The following PHAF1 variants were observed in gnomAD, a reference collection of about 807,000 sequenced individuals.
PHAF1 encodes the protein phagosome assembly factor 1.
A neutral mutation model predicts 63.1 loss-of-function variants in PHAF1; 23 were observed. That is an observed-to-expected ratio of 0.36 (90% CI 0.26 to 0.52). The LOEUF is 0.52. PHAF1 is among the 20% of genes least tolerant of loss of function. The probability of loss-of-function intolerance (pLI) is 0.93; values close to 1 mark genes in which losing one functional copy is unlikely to be tolerated. For missense variants in PHAF1, 427 were observed against 517.2 expected, an observed-to-expected ratio of 0.83 and a Z score of 1.69; for synonymous variants, 167 against 185.0, an observed-to-expected ratio of 0.90 and a Z score of 0.79.
intron 12 of PHAF1, 107 bp downstream of exon 12, chr16:67,144,984 C>A: frequency 7.2e-7 from 1 of 1,391,410 alleles, no homozygotes; most frequent in Non-Finnish European, 1.0e-6. Context: ...AGCTTCTGCC[C>A]ATGGCCTCAG....
Position 67,140,002 on chromosome 16 carries a change from T to C in PHAF1, c.680T>C (p.Leu227Ser). 6.2e-7 allele frequency: 1 copy of C among 1,614,124 alleles called. No homozygotes were observed. Among genetic ancestry groups the C allele is most frequent in the Non-Finnish European group, 8.5e-7 (1 of 1,180,000 alleles). Reference sequence around the variant, plus strand: ...TTTGCAGGTTGTGGACCTGGCCTATTAGCAGATGCCAAGATGCGGGTATTT... The same window carrying C: ...TTTGCAGGTTGTGGACCTGGCCTATCAGCAGATGCCAAGATGCGGGTATTT... The part of the protein sequence containing the change: ...LLAAGCGPGL[L>S]ADAKMRVFER... Residue 227 changes from leucine to serine, a missense_variant, in exon 9 of 16, where the codon TTA (leucine) becomes TCA (serine). Transcript: ENST00000219139.
intron 2 of PHAF1, among the ~76,000 whole-genome samples, chr16:67,120,534 A>G (rs1332818704): frequency 6.6e-6 from 1 of 151,038 alleles, no homozygotes; most frequent in African/African-American, 2.4e-5. Context: ...CGTGTTTAAA[A>G]TTGTCTTTTC....
Position 67,144,210 on chromosome 16 carries a change from T to C in PHAF1, c.880-84T>C. On this transcript the variant is annotated intron_variant, in intron 10 of 15. Transcript: ENST00000219139. ...TTCTTGCTGTGGAGTGCACTGGATG[T>C]CCCAAGTTGGACATGCCTTTGGAAA... 7 of 934,962 alleles carry C rather than the reference T, an allele frequency of 7.5e-6. No homozygotes were observed. The South Asian group carries it at 9.8e-5, about 13-fold the overall frequency. The allele number at this position is 934,962 out of a possible 1,614,324, so 57.9% of individuals were successfully genotyped here. A position where few individuals can be genotyped will look rare whatever the true frequency, so the allele number is the denominator to read the frequency against.
rs1962436254 is a variant in PHAF1 at position 67,109,971 on chromosome 16, G to C, written c.-205G>C. On this transcript the variant is annotated 5_prime_UTR_variant, in exon 1 of 16. Transcript: ENST00000219139. Reference sequence around the variant, plus strand: ...CGCGCCCGCCGCCGTCGTTGCCCCCGCTGCCGCGGCTGCTGCAGGTGAGGT... The same window carrying C: ...CGCGCCCGCCGCCGTCGTTGCCCCCCCTGCCGCGGCTGCTGCAGGTGAGGT... The C allele has an allele frequency of 1.9e-6, 1 of 527,116 alleles. No individual in the cohort carries two copies. Among genetic ancestry groups the C allele is most frequent in the Non-Finnish European group, 3.3e-6 (1 of 301,490 alleles). The allele number at this position is 527,116 out of a possible 1,614,324, so 32.7% of individuals were successfully genotyped here. A position where few individuals can be genotyped will look rare whatever the true frequency, so the allele number is the denominator to read the frequency against.
chr16:67,110,128 C>T lies in PHAF1; in HGVS notation c.-48C>T, dbSNP rs1962446966. ...TGCTTTGTCTCCTTAGCTCGGGTCC[C>T]TTCTGCGCTGCCGCAGGGAGGCCGC... is the stretch of plus-strand genomic sequence containing the variant. On this transcript the variant is annotated 5_prime_UTR_variant, in exon 1 of 16. Coordinates refer to ENST00000219139, the MANE Select transcript of PHAF1 (RefSeq NM_025187.5). The T allele has an allele frequency of 2.6e-6, 4 of 1,547,850 alleles. No homozygotes were observed. Among genetic ancestry groups the T allele is most frequent in the Middle Eastern group, 2.2e-4 (1 of 4,516 alleles).
intron 3 of PHAF1, among the ~76,000 whole-genome samples, chr16:67,126,734 GCACGCCAC>G: frequency 6.6e-6 from 1 of 151,542 alleles, no homozygotes; most frequent in African/African-American, 2.4e-5. Flanking sequence ...GACTACAGGT[GCACGCCAC>G]CACGCCCAGC....
chr16:67,132,509 C>G lies in PHAF1; in HGVS notation c.339C>G (p.Gly113=), dbSNP rs182635625. The change falls in exon 5 of 16, where the codon GGC becomes GGG. Residue 113 remains glycine, a synonymous_variant. Transcript: ENST00000219139. Reference sequence around the variant, plus strand: ...TTGAACAGATTGACCAGTCTTTTGGCGCAACCCATCCTGGAGGTAAGCCAA... The same window carrying G: ...TTGAACAGATTGACCAGTCTTTTGGGGCAACCCATCCTGGAGGTAAGCCAA... ...PTIEQIDQSF[G]ATHPGVYNSA... The G allele has an allele frequency of 2.2e-5, 36 of 1,614,034 alleles. No individual in the cohort carries two copies. The highest frequency in any genetic ancestry group is 3.0e-5 in the Non-Finnish European group (35 of 1,179,948).
At chr16:67,145,130 C>T (rs938258656) in intron 12 of PHAF1, among the ~76,000 whole-genome samples, 6 of 152,046 alleles carry the variant, frequency 3.9e-5, no homozygotes, top group Non-Finnish European at 7.4e-5. Flanking sequence ...TACAGATGAT[C>T]ATCCAGGGGG....
At chr16:67,117,809 C>CT (rs76207983) in intron 1 of PHAF1, among the ~76,000 whole-genome samples, 4,016 of 137,784 alleles carry the variant, frequency 0.029, 85 homozygotes, top group Non-Finnish European at 0.045. Context: ...CGCCCTGTTG[C>CT]TTTTTTTTTT....
chr16:67,123,148 A>G, intron 2 of PHAF1, among the ~76,000 whole-genome samples: 1 of 148,680 alleles, frequency 6.7e-6, no homozygotes, highest in Non-Finnish European at 1.5e-5. Flanking sequence ...GTGCAGTGGC[A>G]TGATCATGGC....
At chr16:67,146,439 G>C (rs1164118284) in intron 15 of PHAF1, 89 bp downstream of exon 15, 2 of 1,338,194 alleles carry the variant, frequency 1.5e-6, no homozygotes, top group East Asian at 2.3e-5. Context: ...ATTGGGGAGG[G>C]CATCACTGCC....
chr16:67,132,256 C>G (rs1448974396), intron 4 of PHAF1, 190 bp from the exon 5 acceptor site: 1 of 571,712 alleles, frequency 1.7e-6, no homozygotes, highest in Non-Finnish European at 3.1e-6. Context: ...ATATCAGCCT[C>G]ATGAGAACTG....
intron 10 of PHAF1, 92 bp from the exon 11 acceptor site, chr16:67,144,202 A>C: frequency 1.2e-6 from 1 of 852,454 alleles, no homozygotes; most frequent in Non-Finnish European, 2.0e-6. Context: ...TGTGGAGTGC[A>C]CTGGATGTCC....
chr16:67,136,554 C>CTTTTTT (rs34174571), intron 8 of PHAF1, among the ~76,000 whole-genome samples: 21 of 60,436 alleles, frequency 3.5e-4, no homozygotes, highest in African/African-American at 1.7e-3. Context: ...GCATTGATTC[C>CTTTTTT]TTTTTTTTTT....
In PHAF1 at chr16:67,146,261, G is replaced by A; in HGVS notation, c.1110-17G>A. 6.2e-7 allele frequency: 1 copy of A among 1,610,568 alleles called. No individual in the cohort carries two copies. The highest frequency in any genetic ancestry group is 1.3e-5 in the African/African-American group (1 of 74,828). ...GGCCTCTGTCTGCCTCTCTAATTCT[G>A]AATTCTTTGGCCTCAGGTCTTCCTC... On this transcript the variant is annotated splice_polypyrimidine_tract_variant and intron_variant, in intron 14 of 15. Coordinates refer to ENST00000219139, the MANE Select transcript of PHAF1 (RefSeq NM_025187.5).
intron 8 of PHAF1, chr16:67,139,716 G>A (rs1445478862): frequency 6.9e-6 from 3 of 432,678 alleles, no homozygotes; most frequent in African/African-American, 4.0e-5. Flanking sequence ...GCCCATGGTA[G>A]GCAATAAAGT....
intron 1 of PHAF1, among the ~76,000 whole-genome samples, chr16:67,115,989 T>C (rs73593346): frequency 2.6e-3 from 392 of 152,204 alleles, no homozygotes; most frequent in African/African-American, 9.0e-3. Flanking sequence ...CCCGTCTCTT[T>C]GAAAAAAAGA....
In PHAF1 at chr16:67,132,823, A is replaced by T. The variant is rs772517492; in HGVS notation, c.362A>T (p.Asn121Ile). The T allele has an allele frequency of 9.9e-6, 16 of 1,611,932 alleles. No homozygotes were observed. Among genetic ancestry groups the T allele is most frequent in the Non-Finnish European group, 1.2e-5 (14 of 1,178,108 alleles). The change falls in exon 6 of 16, where the codon AAC becomes ATC. Residue 121 changes from asparagine (N) to isoleucine (I), a missense_variant. Coordinates refer to ENST00000219139, the MANE Select transcript of PHAF1 (RefSeq NM_025187.5). ...SFGATHPGVY[N>I]SAEQLFHLNF... ...TCTCCCCCACCCCCAACAGTGTACA[A>T]CTCCGCTGAGCAGCTCTTCCATCTC...
chr16:67,132,707 C>T (rs988997046), intron 5 of PHAF1, 110 bp from the exon 6 acceptor site: 1 of 1,220,270 alleles, frequency 8.2e-7, no homozygotes, highest in Non-Finnish European at 1.2e-6. Flanking sequence ...AGTTTAGAAA[C>T]AAGCCACAGG....
Sources: gnomAD v4.1 joint callset for allele counts (sites outside exome capture counted in the v4.1 genomes callset) on GRCh38, gnomAD v4.1.1 for gene constraint, MANE v1.5 for transcripts, NCBI Gene and HGNC (gene_info 2026-07-23, HGNC 2026-07-21) for gene names.